The following SLC16A9 variants were observed in gnomAD, a reference collection of about 807,000 sequenced individuals.
The protein encoded by SLC16A9 is monocarboxylate transporter 9.
A neutral mutation model predicts 44.3 loss-of-function variants in SLC16A9; 26 were observed. That is an observed-to-expected ratio of 0.59 (90% CI 0.43 to 0.81). The LOEUF is 0.81. Among genes scored for constraint, SLC16A9 ranks in the 40% least tolerant of loss-of-function variants. The pLI is 0.00. For missense variants in SLC16A9, 559 were observed against 595.8 expected, an observed-to-expected ratio of 0.94 and a Z score of 0.64; for synonymous variants, 230 against 225.1, an observed-to-expected ratio of 1.02 and a Z score of -0.19.
At chr10:59,707,496 G>A (rs1388474202) in intron 1 of SLC16A9, among the ~76,000 whole-genome samples, 1 of 149,678 alleles carries the variant, frequency 6.7e-6, no homozygotes, top group Non-Finnish European at 1.5e-5. Context: ...AAGTTTAAGA[G>A]ATCTATTGTG....
intron 4 of SLC16A9, among the ~76,000 whole-genome samples, chr10:59,663,030 C>T (rs1220824258): frequency 3.3e-5 from 5 of 152,082 alleles, no homozygotes; most frequent in Non-Finnish European, 5.9e-5. Flanking sequence ...GGAACCAACC[C>T]AAACGTCCAT....
Position 59,652,696 on chromosome 10 carries a change from A to G in SLC16A9, c.*76T>C. ...TGAGAAAATAGTCTTGACTCTAGAA[A>G]ATTTGCTTGAGAATCTGTTAAAATA... On this transcript the variant is annotated 3_prime_UTR_variant, in exon 6 of 6. Coordinates refer to ENST00000395348, the MANE Select transcript of SLC16A9 (RefSeq NM_194298.3). 7.4e-7 allele frequency: 1 copy of G among 1,359,354 alleles called. No individual in the cohort carries two copies. The highest frequency in any genetic ancestry group is 9.9e-7 in the Non-Finnish European group (1 of 1,010,758). 84.2% of individuals were successfully genotyped at this position (1,359,354 alleles called of 1,614,324 possible). A position where few individuals can be genotyped will look rare whatever the true frequency, so the allele number is the denominator to read the frequency against.
At chr10:59,687,493 AAT>A (rs1840159770) in intron 1 of SLC16A9, among the ~76,000 whole-genome samples, 1 of 152,204 alleles carries the variant, frequency 6.6e-6, no homozygotes, top group African/African-American at 2.4e-5. Context: ...AATATGATAA[AAT>A]ATATGTTTTC....
Position 59,653,855 on chromosome 10 carries a change from A to G in SLC16A9, c.1171T>C (p.Phe391Leu), listed in dbSNP as rs141724782. 1.9e-6 allele frequency: 3 copies of G among 1,614,058 alleles called. No individual in the cohort carries two copies. Among genetic ancestry groups the G allele is most frequent in the Non-Finnish European group, 2.5e-6 (3 of 1,180,040 alleles). The stretch of plus-strand genomic sequence containing the variant: ...GCCAATGTGACATAGCTTTTGGCAA[A>G]TGGAATTGCACACAAGGCTAGGCCC... ...IMGLALCAIPFAKSYVTLALL... is the reference protein window; with the variant it reads ...IMGLALCAIPLAKSYVTLALL... Residue 391 changes from phenylalanine (F) to leucine (L), a missense_variant, in exon 5 of 6, where the codon TTT becomes CTT. Coordinates refer to ENST00000395348, the MANE Select transcript of SLC16A9 (RefSeq NM_194298.3).
chr10:59,662,460 C>T (rs1422383496), intron 4 of SLC16A9, among the ~76,000 whole-genome samples: 3 of 151,324 alleles, frequency 2.0e-5, no homozygotes, highest in Non-Finnish European at 4.4e-5. Context: ...TGTAGGGAAA[C>T]ACTGTCTCTA....
intron 1 of SLC16A9, among the ~76,000 whole-genome samples, chr10:59,700,236 C>T (rs1840492882): frequency 6.6e-6 from 1 of 152,178 alleles, no homozygotes; most frequent in Admixed American, 6.5e-5. Context: ...CAGGAAACCA[C>T]ATAGCTGGCT....
intron 3 of SLC16A9, among the ~76,000 whole-genome samples, chr10:59,664,634 C>T (rs1294837610): frequency 6.6e-6 from 1 of 152,172 alleles, no homozygotes; most frequent in Non-Finnish European, 1.5e-5. Context: ...AATTCACATA[C>T]CAAATAGCAA....
At position 59,681,545 on chromosome 10, in the gene SLC16A9, A is replaced by G. The variant is rs1204716843; in HGVS notation, c.196+2551T>C. On this transcript the variant is annotated intron_variant, in intron 2 of 5. Transcript: ENST00000395348. ...TATATGTGTATGTGTATGTGTATGT[A>G]TATGTATATGTATATGATGTATATG... Among the ~76,000 whole-genome samples, 2 of 127,610 alleles carry G rather than the reference A, an allele frequency of 1.6e-5. 1 individual carries two copies. The highest frequency in any genetic ancestry group is 5.9e-5 in the African/African-American group (2 of 33,840). 83.7% of individuals were successfully genotyped at this position (127,610 alleles called of 152,430 possible). A position where few individuals can be genotyped will look rare whatever the true frequency, so the allele number is the denominator to read the frequency against.
chr10:59,706,925 G>C (rs1173572309), intron 1 of SLC16A9, among the ~76,000 whole-genome samples: 2 of 145,482 alleles, frequency 1.4e-5, no homozygotes, highest in African/African-American at 5.1e-5. Context: ...AGTAAGCCAA[G>C]ATTGAGCCAC....
rs1328987749 is a variant in SLC16A9 at position 59,653,736 on chromosome 10, A to C, written c.1290T>G (p.His430Gln). ...TKTVGIEKLAHAYGILMFFAG... is the reference protein window; with the variant it reads ...TKTVGIEKLAQAYGILMFFAG... ...CAAAGAACATTAATATCCCATAGGC[A>C]TGGGCTAATTTTTCAATTCCCACAG... is the stretch of plus-strand genomic sequence containing the variant. The change falls in exon 5 of 6, where the codon CAT becomes CAG. Residue 430 changes from histidine to glutamine, a missense_variant. Coordinates refer to ENST00000395348, the MANE Select transcript of SLC16A9 (RefSeq NM_194298.3). 1 of 1,614,006 alleles carries C rather than the reference A, an allele frequency of 6.2e-7. No homozygotes were observed. The highest frequency in any genetic ancestry group is 8.5e-7 in the Non-Finnish European group (1 of 1,180,018).
rs936045191 is a variant in SLC16A9, at chr10:59,651,803, G to A, written c.*969C>T. On this transcript the variant is annotated 3_prime_UTR_variant, in exon 6 of 6. Transcript: ENST00000395348. ...CACACACACACTCACGTTTAATTCT[G>A]CCCTTGAATTATATTTGATAGTGGT... 46 of 151,504 alleles carry A rather than the reference G, an allele frequency of 3.0e-4. No individual in the cohort carries two copies. Among genetic ancestry groups the A allele is most frequent in the African/African-American group, 9.9e-4 (41 of 41,248 alleles). 9.4% of individuals were successfully genotyped at this position (151,504 alleles called of 1,614,324 possible). A position where few individuals can be genotyped will look rare whatever the true frequency, so the allele number is the denominator to read the frequency against.
chr10:59,681,672 GTAT>G (rs1331462824), intron 2 of SLC16A9, among the ~76,000 whole-genome samples: 2,417 of 34,700 alleles, frequency 0.07, 1,053 homozygotes, highest in East Asian at 0.5. Context: ...TGATGTATAT[GTAT>G]ATGTATATGT....
chr10:59,673,482 G>T (rs914749761), intron 2 of SLC16A9, among the ~76,000 whole-genome samples: 2 of 152,132 alleles, frequency 1.3e-5, no homozygotes, highest in Non-Finnish European at 2.9e-5. Context: ...GGACGTTAAG[G>T]GTTATTTAGC....
chr10:59,699,346 C>T (rs189867652), intron 1 of SLC16A9, among the ~76,000 whole-genome samples: 1 of 152,304 alleles, frequency 6.6e-6, no homozygotes, highest in East Asian at 1.9e-4. Context: ...TGAATTTCCA[C>T]TTCTCTGTGT....
At chr10:59,696,525 C>T (rs1457715835) in intron 1 of SLC16A9, among the ~76,000 whole-genome samples, 3 of 151,708 alleles carry the variant, frequency 2.0e-5, no homozygotes, top group Non-Finnish European at 2.9e-5. Context: ...CCGGCCGCCA[C>T]CCCGTCTAGG....
intron 5 of SLC16A9, 100 bp downstream of exon 5, chr10:59,653,575 T>C: frequency 1.0e-6 from 1 of 990,446 alleles, no homozygotes; most frequent in Non-Finnish European, 1.5e-6. Context: ...CAGATTTCTT[T>C]TGTACAAATC....
At chr10:59,685,929 C>A (rs912640349) in intron 1 of SLC16A9, among the ~76,000 whole-genome samples, 1 of 150,066 alleles carries the variant, frequency 6.7e-6, no homozygotes, top group African/African-American at 2.4e-5. Context: ...TTGCAAATTT[C>A]TTGGTTTTAA....
At chr10:59,685,348 C>T (rs564178401) in intron 1 of SLC16A9, among the ~76,000 whole-genome samples, 3 of 152,226 alleles carry the variant, frequency 2.0e-5, no homozygotes, top group Non-Finnish European at 4.4e-5. Flanking sequence ...ATAAACAGTC[C>T]CCTGTCTACC....
At chr10:59,665,625 G>T (rs1236027701) in intron 3 of SLC16A9, among the ~76,000 whole-genome samples, 1 of 152,098 alleles carries the variant, frequency 6.6e-6, no homozygotes, top group Non-Finnish European at 1.5e-5. Context: ...CTACACAGAG[G>T]ACACTTCAAA....
Sources: gnomAD v4.1 joint callset for allele counts (sites outside exome capture counted in the v4.1 genomes callset) on GRCh38, gnomAD v4.1.1 for gene constraint, MANE v1.5 for transcripts, NCBI Gene and HGNC (gene_info 2026-07-23, HGNC 2026-07-21) for gene names.